Variants in ITGA9 observed in about 807,000 individuals in gnomAD.
ITGA9 encodes integrin alpha-9.
ITGA9 carries 56 observed loss-of-function variants against 127.8 expected under a neutral mutation model. The observed-to-expected ratio is 0.44, with a 90% CI of 0.35 to 0.55. The LOEUF (loss-of-function observed/expected upper bound fraction) is 0.55, where lower values mean the gene tolerates loss of function less well. ITGA9 is among the 20% of genes least tolerant of loss of function. ITGA9 has a pLI of 0.00. For synonymous variants in ITGA9, 508 were observed against 514.5 expected (o/e 0.99, Z 0.17); for missense variants, 1,196 against 1,347.1 (o/e 0.89, Z 1.76).
intron 3 of ITGA9, among the ~76,000 whole-genome samples, chr3:37,479,505 G>A (rs1579052558): frequency 6.6e-6 from 1 of 152,250 alleles, no homozygotes; most frequent in Non-Finnish European, 1.5e-5. Flanking sequence ...ATGAAGAGCA[G>A]AGAGCTTAGA....
chr3:37,680,861 T>C (rs1254556486), intron 17 of ITGA9, among the ~76,000 whole-genome samples: 1 of 152,212 alleles, frequency 6.6e-6, no homozygotes, highest in Non-Finnish European at 1.5e-5. Flanking sequence ...CAATAATAAA[T>C]AATTGCCACA....
intron 15 of ITGA9, among the ~76,000 whole-genome samples, chr3:37,623,786 TC>T (rs1700150124): frequency 6.6e-6 from 1 of 152,018 alleles, no homozygotes; most frequent in Non-Finnish European, 1.5e-5. Flanking sequence ...AAATGCAAAA[TC>T]CTGTTTTCTT....
Position 37,616,206 on chromosome 3 carries a change from C to T in ITGA9, c.1690-12981C>T, listed in dbSNP as rs1174863726. On this transcript the variant is annotated intron_variant, in intron 15 of 27. Coordinates refer to ENST00000264741, the MANE Select transcript of ITGA9 (RefSeq NM_002207.3). ...TTTCAAAGAACATCTTTATTTCTGC[C>T]TTCATTTTGTTATGTACCCAGTAGT... 5.3e-5 allele frequency among the ~76,000 whole-genome samples: 8 copies of T among 152,256 alleles called. No individual in the cohort carries two copies. In the East Asian group the frequency reaches 1.5e-3, roughly 29 times the overall value.
intron 17 of ITGA9, among the ~76,000 whole-genome samples, chr3:37,659,036 G>T (rs550377469): frequency 6.6e-6 from 1 of 152,146 alleles, no homozygotes; most frequent in African/African-American, 2.4e-5. Context: ...GGGTTTCTGC[G>T]GAAAGATTCA....
rs768012871 is a variant in ITGA9, at chr3:37,673,574, T to G, written c.1917-10291T>G. On this transcript the variant is annotated intron_variant, in intron 17 of 27. Transcript: ENST00000264741. The stretch of plus-strand genomic sequence containing the variant: ...AGTCACAATCACAACACCTCCTCCC[T>G]CAGTCCCTCCAACTCTAAGGGTGTC... Among the ~76,000 whole-genome samples the G allele has an allele frequency of 5.1e-4, 77 of 152,304 alleles. No individual in the cohort carries two copies. The Middle Eastern group carries it at 0.017, about 34-fold the overall frequency.
intron 23 of ITGA9, among the ~76,000 whole-genome samples, chr3:37,752,037 G>A (rs559279972): frequency 1.1e-4 from 17 of 152,296 alleles, no homozygotes; most frequent in South Asian, 1.0e-3. Context: ...AAGAGTAGAA[G>A]CATAAAAGCG....
Position 37,822,560 on chromosome 3 carries a change from G to A in ITGA9, c.*3571G>A, listed in dbSNP as rs897118982. The A allele has an allele frequency of 6.6e-6, 1 of 152,234 alleles. No homozygotes were observed. Among genetic ancestry groups the A allele is most frequent in the African/African-American group, 2.4e-5 (1 of 41,468 alleles). The allele number at this position is 152,234 out of a possible 1,614,324, so 9.4% of individuals were successfully genotyped here. ...AAACTGTCAGCATCATGGGTACTCA[G>A]AGGTATGGTAGACCTTGTAGAAGAT... On this transcript the variant is annotated 3_prime_UTR_variant, in exon 28 of 28. Transcript: ENST00000264741.
chr3:37,535,943 AG>A (rs1366161410), intron 14 of ITGA9, among the ~76,000 whole-genome samples: 1 of 152,118 alleles, frequency 6.6e-6, no homozygotes, highest in Non-Finnish European at 1.5e-5. Context: ...GAGTTTGGGG[AG>A]GGAAAAATGG....
intron 6 of ITGA9, among the ~76,000 whole-genome samples, chr3:37,504,036 A>G (rs934361206): frequency 2.0e-5 from 3 of 152,254 alleles, no homozygotes; most frequent in African/African-American, 4.8e-5. Flanking sequence ...CTCATGATAC[A>G]TAACTTACAG....
chr3:37,494,879 T>A (rs868308776), intron 5 of ITGA9, among the ~76,000 whole-genome samples: 4 of 152,132 alleles, frequency 2.6e-5, no homozygotes, highest in Non-Finnish European at 4.4e-5. Flanking sequence ...GTGAGTGAGA[T>A]GACATTCAGT....
intron 12 of ITGA9, among the ~76,000 whole-genome samples, chr3:37,524,826 T>A (rs1314678539): frequency 2.0e-5 from 3 of 152,228 alleles, no homozygotes; most frequent in Non-Finnish European, 2.9e-5. Flanking sequence ...AGCAAGGTGT[T>A]CACAGTTCAC....
At position 37,814,109 on chromosome 3, in the gene ITGA9, TG is replaced by T. The variant is rs1409868641; in HGVS notation, c.3010-4781del. Among the ~76,000 whole-genome samples, 1 of 152,190 alleles carries T rather than the reference TG, an allele frequency of 6.6e-6. No individual in the cohort carries two copies. The highest frequency in any genetic ancestry group is 2.4e-5 in the African/African-American group (1 of 41,446). ...GACTCTGTGCCTTGTTCCCCCTTAG[TG>T]TGAGTCCTGAGTACCCAGCTGTGTG... On this transcript the variant is annotated intron_variant, in intron 27 of 27. Coordinates refer to ENST00000264741, the MANE Select transcript of ITGA9 (RefSeq NM_002207.3). This position sits in a 1 kb window ranked among gnomAD's most constrained non-coding sequence, Gnocchi z 4.3.
intron 17 of ITGA9, among the ~76,000 whole-genome samples, chr3:37,677,025 T>C (rs914747642): frequency 6.6e-6 from 1 of 152,228 alleles, no homozygotes; most frequent in African/African-American, 2.4e-5. Flanking sequence ...CTTCATGTAA[T>C]AACTTCAGTC....
At chr3:37,519,696 T>C (rs915063813) in intron 11 of ITGA9, among the ~76,000 whole-genome samples, 9 of 151,260 alleles carry the variant, frequency 6.0e-5, no homozygotes, top group Admixed American at 5.2e-4. Context: ...CAAAGGAATA[T>C]GTTTTAATAT....
At chr3:37,713,713 C>A (rs903553961) in intron 18 of ITGA9, among the ~76,000 whole-genome samples, 5 of 152,186 alleles carry the variant, frequency 3.3e-5, no homozygotes, top group Non-Finnish European at 5.9e-5. Flanking sequence ...GCTTTCTTCA[C>A]AAGGGAGCTG....
intron 27 of ITGA9, chr3:37,818,159 T>A (rs1175617325): frequency 8.1e-6 from 1 of 123,094 alleles, no homozygotes; most frequent in Non-Finnish European, 1.6e-5. Context: ...TGGTAATGGA[T>A]CCTTTACTTT....
At chr3:37,585,850 AGCTTC>A (rs1397838494) in intron 15 of ITGA9, among the ~76,000 whole-genome samples, 1 of 152,162 alleles carries the variant, frequency 6.6e-6, no homozygotes, top group Non-Finnish European at 1.5e-5. Flanking sequence ...GTATTTCCCA[AGCTTC>A]GCTAGTGAAG....
chr3:37,506,136 A>T, intron 7 of ITGA9, 51 bp downstream of exon 7: 1 of 1,320,090 alleles, frequency 7.6e-7, no homozygotes, highest in South Asian at 1.2e-5. Flanking sequence ...AGAGGGGAGC[A>T]TGCTGTCCCT....
intron 25 of ITGA9, among the ~76,000 whole-genome samples, chr3:37,782,865 C>T (rs185396668): frequency 8.2e-4 from 125 of 152,312 alleles, no homozygotes; most frequent in Non-Finnish European, 5.1e-4. Context: ...AGGAGCCGGG[C>T]GCAGTGGCTC....
Sources: allele counts gnomAD v4.1 joint callset (sites outside exome capture counted in the v4.1 genomes callset), GRCh38; gene constraint gnomAD v4.1.1; non-coding constraint Gnocchi (gnomAD v3.1); transcripts MANE v1.5; gene names NCBI Gene and HGNC (gene_info 2026-07-23, HGNC 2026-07-21).